KCNQ3: variants seen among roughly 807,000 people sequenced by gnomAD.
KCNQ3 encodes potassium voltage-gated channel subfamily Q member 3, also known as potassium voltage-gated channel subfamily KQT member 3.
KCNQ3 carries 30 observed loss-of-function variants against 92.5 expected under a neutral mutation model. The observed-to-expected ratio is 0.32, with a 90% CI of 0.24 to 0.44. KCNQ3 has a LOEUF of 0.44. Ranked by LOEUF, KCNQ3 falls within the 20% of genes least tolerant of loss-of-function variation. The pLI, the probability that KCNQ3 is intolerant of heterozygous loss-of-function variation, is 1.00. For missense variants in KCNQ3, 913 were observed against 1,140.3 expected, an observed-to-expected ratio of 0.80 and a Z score of 2.87; for synonymous variants, 450 against 468.8, an observed-to-expected ratio of 0.96 and a Z score of 0.52.
At chr8:132,223,812 A>G (rs961355024) in intron 1 of KCNQ3, among the ~76,000 whole-genome samples, 4 of 152,158 alleles carry the variant, frequency 2.6e-5, no homozygotes, top group African/African-American at 9.7e-5. Flanking sequence ...TTGACTTTGG[A>G]TTCCTTAGTA....
intron 1 of KCNQ3, among the ~76,000 whole-genome samples, chr8:132,352,349 C>T (rs770880562): frequency 2.6e-5 from 4 of 152,186 alleles, no homozygotes; most frequent in Non-Finnish European, 2.9e-5. Flanking sequence ...TGGGGTGCTG[C>T]GATCGTCTAG....
chr8:132,435,233 T>C (rs1821362192), intron 1 of KCNQ3, among the ~76,000 whole-genome samples: 1 of 152,202 alleles, frequency 6.6e-6, no homozygotes, highest in Non-Finnish European at 1.5e-5. Context: ...ATTTGATTAT[T>C]TATCAGTGTA....
At chr8:132,162,817 C>T (rs1323853808) in intron 9 of KCNQ3, among the ~76,000 whole-genome samples, 1 of 151,890 alleles carries the variant, frequency 6.6e-6, no homozygotes, top group African/African-American at 2.4e-5. Flanking sequence ...GGTCCTCTCA[C>T]CTCCTCTGCC....
At chr8:132,149,305 TC>T (rs1825560733) in intron 9 of KCNQ3, among the ~76,000 whole-genome samples, 1 of 152,212 alleles carries the variant, frequency 6.6e-6, no homozygotes, top group South Asian at 2.1e-4. Context: ...CCTCTCCTGT[TC>T]CTGGGTGGGG....
intron 1 of KCNQ3, among the ~76,000 whole-genome samples, chr8:132,366,005 C>T (rs1819313231): frequency 1.3e-5 from 2 of 151,998 alleles, no homozygotes; most frequent in Non-Finnish European, 2.9e-5. Flanking sequence ...CACTCCAGCC[C>T]GGTTGACAGA....
intron 1 of KCNQ3, among the ~76,000 whole-genome samples, chr8:132,188,795 A>C (rs1827073524): frequency 6.6e-6 from 1 of 152,216 alleles, no homozygotes; most frequent in Non-Finnish European, 1.5e-5. Flanking sequence ...GTTATGACCC[A>C]CGTGTTCACA....
At chr8:132,367,351 A>G (rs940660757) in intron 1 of KCNQ3, among the ~76,000 whole-genome samples, 1 of 152,210 alleles carries the variant, frequency 6.6e-6, no homozygotes, top group Non-Finnish European at 1.5e-5. Flanking sequence ...GTGTATAAAG[A>G]GCTAGGCCAT....
At chr8:132,130,610 A>C (rs757643283) in intron 14 of KCNQ3, among the ~76,000 whole-genome samples, 1 of 152,198 alleles carries the variant, frequency 6.6e-6, no homozygotes, top group South Asian at 2.1e-4. Flanking sequence ...TAGAGGAGGA[A>C]GTGGCCTTGC....
chr8:132,361,675 A>G (rs1309572090), intron 1 of KCNQ3, among the ~76,000 whole-genome samples: 2 of 152,212 alleles, frequency 1.3e-5, no homozygotes, highest in African/African-American at 4.8e-5. Context: ...AGAAAATGAA[A>G]TAAACTTCCT....
At chr8:132,310,590 G>A (rs778365494) in intron 1 of KCNQ3, among the ~76,000 whole-genome samples, 64 of 152,290 alleles carry the variant, frequency 4.2e-4, no homozygotes, top group Non-Finnish European at 6.2e-4. Context: ...AAAATGAGCC[G>A]TCAAAGAGCA....
chr8:132,210,555 T>G (rs1813818343), intron 1 of KCNQ3, among the ~76,000 whole-genome samples: 1 of 152,228 alleles, frequency 6.6e-6, no homozygotes, highest in South Asian at 2.1e-4. Context: ...TCTCACAGTA[T>G]CTATGGGTCA....
chr8:132,174,185 C>A (rs914493362), intron 6 of KCNQ3, 54 bp downstream of exon 6: 1 of 1,261,772 alleles, frequency 7.9e-7, no homozygotes, highest in Non-Finnish European at 1.1e-6. Context: ...TGGCACCAGG[C>A]GGTAAGGGGT....
Position 132,157,500 on chromosome 8 carries a change from G to A in KCNQ3, c.1262+5968C>T, listed in dbSNP as rs1780680257. Reference sequence around the variant, plus strand: ...TATTAAATGTCAGTGTTCAGATATGGTCTTTCTCTCTCTAGCTCTCAGTGC... The same window carrying A: ...TATTAAATGTCAGTGTTCAGATATGATCTTTCTCTCTCTAGCTCTCAGTGC... On this transcript the variant is annotated intron_variant, in intron 9 of 14. Coordinates refer to ENST00000388996, the MANE Select transcript of KCNQ3 (RefSeq NM_004519.4). Among the ~76,000 whole-genome samples, 4 of 152,122 alleles carry A rather than the reference G, an allele frequency of 2.6e-5. No individual in the cohort carries two copies. In the South Asian group the frequency reaches 8.3e-4, roughly 32 times the overall value.
rs1247757125 is a variant in KCNQ3 at position 132,157,945 on chromosome 8, T to A, written c.1262+5523A>T. Among the ~76,000 whole-genome samples the A allele has an allele frequency of 2.0e-5, 3 of 152,154 alleles. No individual in the cohort carries two copies. The East Asian group carries it at 5.8e-4, about 29-fold the overall frequency. ...CATGCGGTGTCTGATAACCTGTGTT[T>A]TAATCCTTTGACTTCTAGGTATATT... On this transcript the variant is annotated intron_variant, in intron 9 of 14. Coordinates refer to ENST00000388996, the MANE Select transcript of KCNQ3 (RefSeq NM_004519.4).
At chr8:132,368,400 C>A (rs1236732227) in intron 1 of KCNQ3, among the ~76,000 whole-genome samples, 1 of 152,112 alleles carries the variant, frequency 6.6e-6, no homozygotes, top group Non-Finnish European at 1.5e-5. Context: ...ACTCTGTAAT[C>A]CCAGCACTTG....
chr8:132,145,104 C>T (rs1825413338), intron 9 of KCNQ3, among the ~76,000 whole-genome samples: 2 of 152,122 alleles, frequency 1.3e-5, no homozygotes, highest in South Asian at 4.2e-4. Context: ...GGGGAGAAGC[C>T]AGGGATGCTG....
chr8:132,361,560 C>T (rs932515212), intron 1 of KCNQ3, among the ~76,000 whole-genome samples: 1 of 151,756 alleles, frequency 6.6e-6, no homozygotes, highest in Non-Finnish European at 1.5e-5. Flanking sequence ...AAATCTTCCT[C>T]ATAAAGTAAA....
At chr8:132,230,252 A>C (rs1490791541) in intron 1 of KCNQ3, among the ~76,000 whole-genome samples, 1 of 152,138 alleles carries the variant, frequency 6.6e-6, no homozygotes, top group Admixed American at 6.5e-5. Context: ...CTCATTTGCA[A>C]ACTGACAGTC....
At chr8:132,134,228 G>A in intron 13 of KCNQ3, 62 bp downstream of exon 13, 2 of 1,202,686 alleles carry the variant, frequency 1.7e-6, no homozygotes, top group Non-Finnish European at 1.2e-6. Flanking sequence ...AGAGGTTTGG[G>A]GGTGGGGATG....
Sources: allele counts gnomAD v4.1 joint callset (sites outside exome capture counted in the v4.1 genomes callset), GRCh38; gene constraint gnomAD v4.1.1; transcripts MANE v1.5; gene names NCBI Gene and HGNC (gene_info 2026-07-23, HGNC 2026-07-21).